MTUS2: variants seen among roughly 807,000 people sequenced by gnomAD.
The protein encoded by MTUS2 is microtubule-associated tumor suppressor candidate 2.
A neutral mutation model predicts 114.1 loss-of-function variants in MTUS2; 40 were observed. The observed-to-expected ratio is 0.35, with a 90% confidence interval of 0.27 to 0.46. The LOEUF (loss-of-function observed/expected upper bound fraction) is 0.46. Among genes scored for constraint, MTUS2 ranks in the 20% least tolerant of loss-of-function variants. The pLI is 1.00. For missense variants in MTUS2, 1,679 were observed against 1,705.4 expected, an observed-to-expected ratio of 0.98 and a Z score of 0.27; for synonymous variants, 688 against 672.0, an observed-to-expected ratio of 1.02 and a Z score of -0.37.
At chr13:29,149,328 G>C (rs184977473) in intron 5 of MTUS2, among the ~76,000 whole-genome samples, 7 of 152,270 alleles carry the variant, frequency 4.6e-5, no homozygotes, top group Admixed American at 4.6e-4. Flanking sequence ...GTCTTCTTTT[G>C]AGAAGTGTCT....
chr13:29,474,124 A>T (rs1298923824), intron 9 of MTUS2, among the ~76,000 whole-genome samples: 2 of 152,214 alleles, frequency 1.3e-5, no homozygotes, highest in Admixed American at 6.5e-5. Flanking sequence ...CTCTCATTTT[A>T]TAATAGCAAT....
At chr13:29,429,482 C>T (rs1876829942) in intron 8 of MTUS2, among the ~76,000 whole-genome samples, 1 of 152,166 alleles carries the variant, frequency 6.6e-6, no homozygotes, top group Non-Finnish European at 1.5e-5. Flanking sequence ...AGGGTGTGTT[C>T]AAGTCTTCAC....
chr13:29,503,962 G>T lies in MTUS2; in HGVS notation c.*756G>T, dbSNP rs529400746. 3.8e-4 allele frequency: 87 copies of T among 231,888 alleles called. No individual in the cohort carries two copies. The highest frequency in any genetic ancestry group is 1.8e-3 in the African/African-American group (80 of 45,310). The allele number at this position is 231,888 out of a possible 1,614,324, so 14.4% of individuals were successfully genotyped here. A position where few individuals can be genotyped will look rare whatever the true frequency, so the allele number is the denominator to read the frequency against. The stretch of plus-strand genomic sequence containing the variant: ...GAGAGCAGTGGGAAACCCTAAGGGG[G>T]TTTAGCAGTTTTGCAGATGTTACCC... On this transcript the variant is annotated 3_prime_UTR_variant, in exon 16 of 16. Transcript: ENST00000612955.
At chr13:28,929,941 A>T (rs989141188) in intron 2 of MTUS2, among the ~76,000 whole-genome samples, 1 of 152,024 alleles carries the variant, frequency 6.6e-6, no homozygotes, top group Admixed American at 6.6e-5. Context: ...GGAGGGTTGG[A>T]TAGAGGAGGT....
chr13:28,897,142 CA>C, intron 2 of MTUS2, among the ~76,000 whole-genome samples: 1 of 152,242 alleles, frequency 6.6e-6, no homozygotes, highest in East Asian at 1.9e-4. Flanking sequence ...AAAATTTTTG[CA>C]ATCTACTCAT....
intron 8 of MTUS2, among the ~76,000 whole-genome samples, chr13:29,434,665 A>T (rs868221135): frequency 3.3e-5 from 5 of 152,220 alleles, no homozygotes. Flanking sequence ...AATCACACGG[A>T]TGATGCTAAC....
At chr13:28,860,672 A>C (rs924072778) in intron 2 of MTUS2, among the ~76,000 whole-genome samples, 13 of 152,078 alleles carry the variant, frequency 8.5e-5, no homozygotes, top group African/African-American at 2.9e-4. Context: ...GCTCCCATCC[A>C]CCTCAGATGT....
At chr13:28,953,111 C>T (rs546121342) in intron 2 of MTUS2, among the ~76,000 whole-genome samples, 2 of 151,928 alleles carry the variant, frequency 1.3e-5, no homozygotes, top group East Asian at 1.9e-4. Flanking sequence ...TGAGTTTGAG[C>T]AGCTTTCTAT....
chr13:29,426,326 A>G (rs1010175670), intron 8 of MTUS2, among the ~76,000 whole-genome samples: 1 of 152,218 alleles, frequency 6.6e-6, no homozygotes, highest in Non-Finnish European at 1.5e-5. Flanking sequence ...ACTTAACGGT[A>G]TTTTCAGTTT....
intron 2 of MTUS2, among the ~76,000 whole-genome samples, chr13:28,924,631 C>G (rs1881228922): frequency 6.6e-6 from 1 of 152,168 alleles, no homozygotes; most frequent in Non-Finnish European, 1.5e-5. Flanking sequence ...ATGCACAGAG[C>G]TGGCACTGCC....
Position 29,257,043 on chromosome 13 carries a change from G to A in MTUS2, c.2645-24661G>A, listed in dbSNP as rs191579168. On this transcript the variant is annotated intron_variant, in intron 5 of 15. Coordinates refer to ENST00000612955, the MANE Select transcript of MTUS2 (RefSeq NM_001033602.4). The stretch of plus-strand genomic sequence containing the variant: ...TATACATATATGTATATTTGCTGTC[G>A]CCATCTCCCAGGTGCATTTCCCTGC... Among the ~76,000 whole-genome samples the A allele has an allele frequency of 9.2e-4, 140 of 152,110 alleles. 1 individual carries two copies. Among genetic ancestry groups the A allele is most frequent in the Non-Finnish European group, 1.6e-3 (112 of 67,998 alleles).
Position 29,480,146 on chromosome 13 carries a change from C to G in MTUS2, c.3185-4C>G. 1 of 1,552,186 alleles carries G rather than the reference C, an allele frequency of 6.4e-7. No homozygotes were observed. Among genetic ancestry groups the G allele is most frequent in the Non-Finnish European group, 8.7e-7 (1 of 1,147,276 alleles). The stretch of plus-strand genomic sequence containing the variant: ...TAAAGAAAGATCTTGTGCTTTGCGC[C>G]CAGCCTTCCATACAGCAAAGTGCGA... On this transcript the variant is annotated splice_polypyrimidine_tract_variant and splice_region_variant and intron_variant, in intron 9 of 15. Transcript: ENST00000612955. This position sits in a 1 kb window ranked among gnomAD's most constrained non-coding sequence, Gnocchi z 4.4.
chr13:29,485,935 G>C (rs1010244676), intron 10 of MTUS2, among the ~76,000 whole-genome samples: 1 of 152,142 alleles, frequency 6.6e-6, no homozygotes, highest in Non-Finnish European at 1.5e-5. Flanking sequence ...GGGTGGGGGC[G>C]GGGGAAGCGG....
chr13:29,357,298 A>G (rs1869830408), intron 7 of MTUS2, among the ~76,000 whole-genome samples: 1 of 152,226 alleles, frequency 6.6e-6, no homozygotes, highest in South Asian at 2.1e-4. Context: ...GCGCCTGCTA[A>G]CGTCCACAAG....
intron 2 of MTUS2, among the ~76,000 whole-genome samples, chr13:28,912,866 T>TA (rs1168036225): frequency 1.3e-5 from 2 of 152,184 alleles, no homozygotes; most frequent in African/African-American, 4.8e-5. Flanking sequence ...TGCACATTTT[T>TA]AAAAAAAATT....
At chr13:29,485,934 C>T (rs561374870) in intron 10 of MTUS2, among the ~76,000 whole-genome samples, 147 of 44,882 alleles carry the variant, frequency 3.3e-3, no homozygotes, top group Admixed American at 6.2e-3. Flanking sequence ...GGGGTGGGGG[C>T]GGGGGAAGCG....
chr13:29,181,348 T>C (rs9550443), intron 5 of MTUS2, among the ~76,000 whole-genome samples: 112,356 of 152,012 alleles, frequency 0.74, 41,637 homozygotes, highest in East Asian at 0.8. Flanking sequence ...ACATGAGGGC[T>C]GAGGTGGGGG....
chr13:28,958,392 T>C lies in MTUS2; in HGVS notation c.-242-66065T>C, dbSNP rs911842834. On this transcript the variant is annotated intron_variant, in intron 2 of 15. Coordinates refer to ENST00000612955, the MANE Select transcript of MTUS2 (RefSeq NM_001033602.4). ...TGGCACTGCATGCTATTTAAGATCA[T>C]TTATATCCAACTTCAGCTAACTGAA... Among the ~76,000 whole-genome samples the C allele has an allele frequency of 3.3e-4, 50 of 152,338 alleles. 1 individual carries two copies. Among genetic ancestry groups the C allele is most frequent in the Non-Finnish European group, 2.1e-4 (14 of 68,032 alleles).
Position 29,502,983 on chromosome 13 carries a change from G to A in MTUS2, c.3897-10G>A, listed in dbSNP as rs1049588266. On this transcript the variant is annotated splice_polypyrimidine_tract_variant and intron_variant, in intron 15 of 15. Coordinates refer to ENST00000612955, the MANE Select transcript of MTUS2 (RefSeq NM_001033602.4). Reference sequence around the variant, plus strand: ...ATGATTGCTACTTATTTGTCATTGTGCCCATGCAGACAGCTGTCGGAGGAA... The same window carrying A: ...ATGATTGCTACTTATTTGTCATTGTACCCATGCAGACAGCTGTCGGAGGAA... The A allele has an allele frequency of 5.0e-6, 8 of 1,613,266 alleles. No individual in the cohort carries two copies. The Middle Eastern group carries it at 6.6e-4, about 133-fold the overall frequency.
Sources: allele counts gnomAD v4.1 joint callset (sites outside exome capture counted in the v4.1 genomes callset), GRCh38; gene constraint gnomAD v4.1.1; non-coding constraint Gnocchi (gnomAD v3.1); transcripts MANE v1.5; gene names NCBI Gene and HGNC (gene_info 2026-07-23, HGNC 2026-07-21).